PRIMA1: variants seen among roughly 807,000 people sequenced by gnomAD.
PRIMA1 encodes the protein proline rich membrane anchor 1, also known as proline-rich membrane anchor 1.
In PRIMA1, 7 loss-of-function variants were observed where a neutral mutation model predicts 17.5. The observed-to-expected ratio is 0.40, with a 90% confidence interval of 0.23 to 0.75. The LOEUF (loss-of-function observed/expected upper bound fraction) is 0.75. Among genes scored for constraint, PRIMA1 ranks in the 30% least tolerant of loss-of-function variants. The probability of loss-of-function intolerance (pLI) is 0.37; values close to 1 mark genes in which losing one functional copy is unlikely to be tolerated. For missense variants in PRIMA1, 200 were observed against 201.8 expected (o/e 0.99, Z 0.05); for synonymous variants, 97 against 77.9 (o/e 1.25, Z -1.29).
Position 93,780,439 on chromosome 14 carries a change from A to G in PRIMA1, c.94-1128T>C, listed in dbSNP as rs1595226817. ...CATTTGATAAATTTTTGGTGAATGA[A>G]TGAATGAATATGAAAAACTGGGCCA... On this transcript the variant is annotated intron_variant, in intron 2 of 4. Coordinates refer to ENST00000393140, the MANE Select transcript of PRIMA1 (RefSeq NM_178013.4). Among the ~76,000 whole-genome samples the G allele has an allele frequency of 2.0e-5, 3 of 152,224 alleles. No homozygotes were observed. The South Asian group carries it at 6.2e-4, about 32-fold the overall frequency.
intron 4 of PRIMA1, among the ~76,000 whole-genome samples, chr14:93,730,626 C>T (rs1162501530): frequency 6.6e-6 from 1 of 152,174 alleles, no homozygotes. Context: ...CCATAGGAAA[C>T]TCATTTCCAC....
intron 4 of PRIMA1, among the ~76,000 whole-genome samples, chr14:93,727,753 T>C (rs1346966629): frequency 1.3e-5 from 2 of 152,158 alleles, no homozygotes; most frequent in African/African-American, 2.4e-5. Context: ...CAGCCCCAGG[T>C]CACGGAACCC....
At chr14:93,779,344 G>A (rs995386833) in intron 2 of PRIMA1, 33 bp from the exon 3 acceptor site, 12 of 1,523,888 alleles carry the variant, frequency 7.9e-6, no homozygotes, top group Non-Finnish European at 9.6e-6. Context: ...CCAAGAGAGA[G>A]AGAAGACCAT....
chr14:93,730,224 G>A (rs945926548), intron 4 of PRIMA1, among the ~76,000 whole-genome samples: 6 of 152,198 alleles, frequency 3.9e-5, no homozygotes, highest in African/African-American at 1.4e-4. Context: ...CCCATCTACC[G>A]TGTGTGCACA....
rs76725350 is a variant in PRIMA1 at position 93,767,019 on chromosome 14, G to A, written c.229+12157C>T. Among the ~76,000 whole-genome samples the A allele has an allele frequency of 7.2e-4, 109 of 152,316 alleles. 2 individuals are homozygous for A. The South Asian group carries it at 0.017, about 23-fold the overall frequency. Reference sequence around the variant, plus strand: ...GCATCAAGTCTTGGAGCCCACTGATGGGCAGAGTGGCCTACAAGACTTGAA... The same window carrying A: ...GCATCAAGTCTTGGAGCCCACTGATAGGCAGAGTGGCCTACAAGACTTGAA... On this transcript the variant is annotated intron_variant, in intron 3 of 4. Coordinates refer to ENST00000393140, the MANE Select transcript of PRIMA1 (RefSeq NM_178013.4).
chr14:93,758,035 C>CG (rs1377422395), intron 3 of PRIMA1, among the ~76,000 whole-genome samples: 7 of 152,074 alleles, frequency 4.6e-5, no homozygotes, highest in Non-Finnish European at 8.8e-5. Flanking sequence ...TCCAGAGATA[C>CG]GGGGGGGTTC....
At position 93,721,313 on chromosome 14, in the gene PRIMA1, C is replaced by T. The variant is rs916678774; in HGVS notation, c.*131G>A. ...CCTGGGAAGACAATGGTTTCTCCTTCGGGAGGCTCAGGGCCTGTGAGGCAA... is the reference window on the plus strand; with the variant it reads ...CCTGGGAAGACAATGGTTTCTCCTTTGGGAGGCTCAGGGCCTGTGAGGCAA... On this transcript the variant is annotated 3_prime_UTR_variant, in exon 5 of 5. Transcript: ENST00000393140. 3.7e-5 allele frequency: 23 copies of T among 620,742 alleles called. No individual in the cohort carries two copies. The highest frequency in any genetic ancestry group is 8.3e-5 in the East Asian group (3 of 36,102). 38.5% of individuals were successfully genotyped at this position (620,742 alleles called of 1,614,324 possible).
At chr14:93,788,682 G>C (rs1222119755), upstream of PRIMA1, among the ~76,000 whole-genome samples, 1 of 152,108 alleles carries the variant, frequency 6.6e-6, no homozygotes, top group Non-Finnish European at 1.5e-5. Context: ...GACCAGGAGC[G>C]GCGTCCTCGC....
At chr14:93,742,878 C>T (rs539437769) in intron 3 of PRIMA1, among the ~76,000 whole-genome samples, 62 of 152,150 alleles carry the variant, frequency 4.1e-4, no homozygotes, top group Non-Finnish European at 6.8e-4. Flanking sequence ...GGCCTTGCGA[C>T]GGTACTCACA....
At chr14:93,784,808 T>C (rs1300922003) in intron 2 of PRIMA1, among the ~76,000 whole-genome samples, 1 of 152,190 alleles carries the variant, frequency 6.6e-6, no homozygotes, top group African/African-American at 2.4e-5. Flanking sequence ...CTCTTGATGA[T>C]AATTACTTGT....
chr14:93,751,448 G>C (rs1266602110), intron 3 of PRIMA1, among the ~76,000 whole-genome samples: 1 of 152,126 alleles, frequency 6.6e-6, no homozygotes, highest in Non-Finnish European at 1.5e-5. Flanking sequence ...CTTGCGTTAG[G>C]GTCTGAGGAC....
At chr14:93,782,311 A>C (rs34370891) in intron 2 of PRIMA1, among the ~76,000 whole-genome samples, 100 of 103,354 alleles carry the variant, frequency 9.7e-4, no homozygotes, top group African/African-American at 3.5e-3. Flanking sequence ...TACATACATA[A>C]ATACATAAAT....
intron 3 of PRIMA1, among the ~76,000 whole-genome samples, chr14:93,754,038 A>G (rs1412898024): frequency 6.6e-6 from 1 of 152,234 alleles, no homozygotes; most frequent in African/African-American, 2.4e-5. Flanking sequence ...ATCTGCTGGC[A>G]AATGAGCAAA....
At position 93,721,453 on chromosome 14, in the gene PRIMA1, T is replaced by C; in HGVS notation, c.453A>G (p.Ala151=). 1.2e-6 allele frequency: 2 copies of C among 1,611,170 alleles called. No homozygotes were observed. The highest frequency in any genetic ancestry group is 1.7e-6 in the Non-Finnish European group (2 of 1,177,416). The change falls in exon 5 of 5, where the codon GCA becomes GCG. Residue 151 remains alanine (A), a synonymous_variant. Coordinates refer to ENST00000393140, the MANE Select transcript of PRIMA1 (RefSeq NM_178013.4). ...QSNKGVDVNN[A]VV ...TCCAGGGCCTGCAGACTCACACCAC[T>C]GCGTTGTTCACGTCTACTCCTTTGT...
At chr14:93,775,107 G>C (rs560761001) in intron 3 of PRIMA1, among the ~76,000 whole-genome samples, 1 of 152,220 alleles carries the variant, frequency 6.6e-6, no homozygotes, top group Non-Finnish European at 1.5e-5. Flanking sequence ...GTTGGACCTA[G>C]AACAGGTGCC....
chr14:93,739,304 G>A (rs112143751), intron 3 of PRIMA1, among the ~76,000 whole-genome samples: 17,862 of 152,074 alleles, frequency 0.12, 1,137 homozygotes, highest in Non-Finnish European at 0.13. Context: ...TGCCCACCTC[G>A]GTCTCCCAAA....
intron 3 of PRIMA1, among the ~76,000 whole-genome samples, chr14:93,767,709 C>A (rs1884932762): frequency 6.6e-6 from 1 of 152,200 alleles, no homozygotes; most frequent in Non-Finnish European, 1.5e-5. Flanking sequence ...TGGGGCCACA[C>A]CCTCCGAGCA....
rs1566980947 is a variant in PRIMA1 at position 93,787,660 on chromosome 14, T to TGCA, written c.56_58dup (p.Leu19dup). 9 of 1,543,502 alleles carry TGCA rather than the reference T, an allele frequency of 5.8e-6. No individual in the cohort carries two copies. The highest frequency in any genetic ancestry group is 3.6e-5 in the South Asian group (3 of 84,040). The stretch of plus-strand genomic sequence containing the variant: ...GCCCCAGAGCGGGTGGAGCGCGCAG[T>TGCA]GCAGCAGCAGCGAGGACCAGCAGCA... On this transcript the variant is annotated inframe_insertion, in exon 2 of 5. Coordinates refer to ENST00000393140, the MANE Select transcript of PRIMA1 (RefSeq NM_178013.4).
chr14:93,721,542 G>A lies in PRIMA1; in HGVS notation c.364C>T (p.Pro122Ser), dbSNP rs1434626074. The change falls in exon 5 of 5, where the codon CCA (proline) becomes TCA (serine). Residue 122 changes from proline to serine, a missense_variant. Transcript: ENST00000393140. ...IICYKAIKRK[P>S]LRKDENGTSV... ...GTGCCATTTTCGTCTTTTCTCAGTGGTTTCCTGGAAGTGGGGGGAGGGGAC... is the reference window on the plus strand; with the variant it reads ...GTGCCATTTTCGTCTTTTCTCAGTGATTTCCTGGAAGTGGGGGGAGGGGAC... 3.0e-5 allele frequency: 48 copies of A among 1,611,482 alleles called. No individual in the cohort carries two copies. Among genetic ancestry groups the A allele is most frequent in the Non-Finnish European group, 4.0e-5 (47 of 1,178,066 alleles).
Sources: gnomAD v4.1 joint callset for allele counts (sites outside exome capture counted in the v4.1 genomes callset) on GRCh38, gnomAD v4.1.1 for gene constraint, MANE v1.5 for transcripts, NCBI Gene and HGNC (gene_info 2026-07-23, HGNC 2026-07-21) for gene names.